NOL4L: variants seen among roughly 807,000 people sequenced by gnomAD.
The protein encoded by NOL4L is nucleolar protein 4 like, also known as nucleolar protein 4-like.
Under a neutral mutation model 64.5 loss-of-function variants are expected in NOL4L, and 7 were observed. That is an observed-to-expected ratio of 0.11 (90% CI 0.06 to 0.20). The LOEUF (loss-of-function observed/expected upper bound fraction) is 0.20, where lower values mean the gene tolerates loss of function less well. Ranked by LOEUF, NOL4L falls within the 10% of genes least tolerant of loss-of-function variation. NOL4L has a pLI of 1.00. For missense variants in NOL4L, 680 were observed against 967.1 expected (o/e 0.70, Z 3.94); for synonymous variants, 413 against 401.0 (o/e 1.03, Z -0.36).
chr20:32,504,421 G>A (rs1162613471), intron 4 of NOL4L, among the ~76,000 whole-genome samples: 1 of 151,990 alleles, frequency 6.6e-6, no homozygotes, highest in Non-Finnish European at 1.5e-5. Flanking sequence ...TTAGCCAGGT[G>A]TCATGGCGGG....
chr20:32,543,926 C>T (rs1037116654), intron 1 of NOL4L, among the ~76,000 whole-genome samples: 3 of 152,214 alleles, frequency 2.0e-5, no homozygotes, highest in Admixed American at 6.5e-5. Flanking sequence ...GCTGAAGGTG[C>T]GATGTTAAGT....
At chr20:32,486,676 T>G (rs552078674) in intron 4 of NOL4L, 2 of 465,946 alleles carry the variant, frequency 4.3e-6, no homozygotes, top group East Asian at 1.4e-4. Context: ...GACTTATTAA[T>G]GACAGAGAAG....
At chr20:32,578,092 CA>C (rs1282364383) in intron 1 of NOL4L, among the ~76,000 whole-genome samples, 1 of 108,558 alleles carries the variant, frequency 9.2e-6, no homozygotes, top group Non-Finnish European at 1.8e-5. Context: ...AATATTGCGT[CA>C]AAAAAGAAAG....
In NOL4L at chr20:32,456,315, G is replaced by T; in HGVS notation, c.922C>A (p.Pro308Thr). The T allele has an allele frequency of 6.4e-7, 1 of 1,572,678 alleles. No individual in the cohort carries two copies. Among genetic ancestry groups the T allele is most frequent in the East Asian group, 2.3e-5 (1 of 43,148 alleles). Residue 308 changes from proline to threonine, a missense_variant, in exon 6 of 11, where the codon CCT becomes ACT. Physicochemically the swap from Pro to Thr is conservative, Grantham distance 38. This residue lies in a region of NOL4L where 254 missense variants were observed against 238.7 expected (regional missense o/e 1.06). Transcript: ENST00000621426. ...PSTSSSTQGD[P>T]AFPEMNGNGA... ...TTGCCATTCATCTCGGGGAAGGCAGGGTCGCCCTGCGTGCTGCTCGACGTG... is the reference window on the plus strand; with the variant it reads ...TTGCCATTCATCTCGGGGAAGGCAGTGTCGCCCTGCGTGCTGCTCGACGTG...
intron 4 of NOL4L, chr20:32,483,415 C>T: frequency 1.0e-6 from 1 of 986,596 alleles, no homozygotes; most frequent in Non-Finnish European, 1.2e-6. Context: ...GTGAGCGGGG[C>T]GGGCGGCGGT....
intron 3 of NOL4L, among the ~76,000 whole-genome samples, 152 bp downstream of exon 3, chr20:32,520,659 C>T (rs535181986): frequency 6.6e-6 from 1 of 152,316 alleles, no homozygotes; most frequent in African/African-American, 2.4e-5. Flanking sequence ...AAACAAGGCG[C>T]TTTGGGCAGC....
Position 32,565,450 on chromosome 20 carries a change from G to A in NOL4L, c.321+19120C>T, listed in dbSNP as rs371027237. On this transcript the variant is annotated intron_variant, in intron 1 of 10. Transcript: ENST00000621426. ...TATTATTGCATAGCACACATGTGCAGGAGGTGCATGCATGGGGCTGCTTAT... is the reference window on the plus strand; with the variant it reads ...TATTATTGCATAGCACACATGTGCAAGAGGTGCATGCATGGGGCTGCTTAT... Among the ~76,000 whole-genome samples the A allele has an allele frequency of 9.8e-5, 15 of 152,346 alleles. No homozygotes were observed. The South Asian group carries it at 2.9e-3, about 29-fold the overall frequency.
chr20:32,508,592 C>A (rs183389083), intron 4 of NOL4L, among the ~76,000 whole-genome samples: 1 of 152,316 alleles, frequency 6.6e-6, no homozygotes, highest in East Asian at 1.9e-4. Context: ...CATCTCCTGC[C>A]GCACTCAGAA....
chr20:32,523,491 G>A (rs2018016587), intron 2 of NOL4L, among the ~76,000 whole-genome samples: 1 of 152,186 alleles, frequency 6.6e-6, no homozygotes, highest in African/African-American at 2.4e-5. Context: ...TTGAGTGCAC[G>A]AATGCCCAAG....
At chr20:32,583,656 C>T (rs934088750) in intron 1 of NOL4L, among the ~76,000 whole-genome samples, 5 of 148,742 alleles carry the variant, frequency 3.4e-5, no homozygotes, top group African/African-American at 9.8e-5. Flanking sequence ...GCCCCCCCCC[C>T]AGCCCCCACC....
chr20:32,566,234 A>G (rs529246714), intron 1 of NOL4L, among the ~76,000 whole-genome samples: 15 of 152,280 alleles, frequency 9.9e-5, no homozygotes, highest in African/African-American at 3.4e-4. Context: ...TGATTTGCCT[A>G]AGATCACATG....
At chr20:32,584,133 G>GCACACACACACACACA (rs745461984) in intron 1 of NOL4L, among the ~76,000 whole-genome samples, 58 of 88,818 alleles carry the variant, frequency 6.5e-4, no homozygotes, top group African/African-American at 3.0e-3. Context: ...CTCCGCGCGC[G>GCACACACACACACACA]CACACACACA....
rs763531949 is a variant in NOL4L at position 32,447,720 on chromosome 20, G to A, written c.1919C>T (p.Thr640Ile). The change falls in exon 11 of 11, where the codon ACC becomes ATC. Residue 640 changes from threonine (T) to isoleucine (I), a missense_variant. By Grantham distance (89) the Thr-to-Ile change is moderately conservative. Around this residue, in one of 4 missense-constraint regions of NOL4L, gnomAD observed 175 missense variants for 227.0 expected, o/e 0.77. Coordinates refer to ENST00000621426, the MANE Select transcript of NOL4L (RefSeq NM_001256798.2). The part of the protein sequence containing the change: ...SSTSTSRPVP[T>I]AQLSPTEISA... Reference sequence around the variant, plus strand: ...GATCTCCGTGGGGCTGAGCTGAGCGGTGGGCACGGGCCTGCTGGTGCTGGT... The same window carrying A: ...GATCTCCGTGGGGCTGAGCTGAGCGATGGGCACGGGCCTGCTGGTGCTGGT... 1 of 1,609,668 alleles carries A rather than the reference G, an allele frequency of 6.2e-7. No homozygotes were observed. The highest frequency in any genetic ancestry group is 8.5e-7 in the Non-Finnish European group (1 of 1,178,024).
intron 4 of NOL4L, among the ~76,000 whole-genome samples, chr20:32,495,896 G>T (rs141932386): frequency 6.6e-6 from 1 of 152,252 alleles, no homozygotes; most frequent in Non-Finnish European, 1.5e-5. Context: ...GGTCAAGGCT[G>T]CAGTGAGCTG....
chr20:32,451,907 AC>A (rs2145425716), intron 10 of NOL4L, among the ~76,000 whole-genome samples: 1 of 152,274 alleles, frequency 6.6e-6, no homozygotes, highest in African/African-American at 2.4e-5. Flanking sequence ...GGGACTCGGC[AC>A]CCACAGGGAC....
intron 10 of NOL4L, among the ~76,000 whole-genome samples, chr20:32,450,905 G>A (rs188095179): frequency 5.3e-4 from 80 of 152,286 alleles, no homozygotes; most frequent in Admixed American, 4.8e-3. Context: ...TCTTATTTTA[G>A]GTTAAGAGGC....
In NOL4L at chr20:32,488,746, T is replaced by TC. The variant is rs1568647167; in HGVS notation, c.700-14005_700-14004insG. Among the ~76,000 whole-genome samples, 82 of 138,898 alleles carry TC rather than the reference T, an allele frequency of 5.9e-4. 1 individual carries two copies. The highest frequency in any genetic ancestry group is 4.0e-3 in the East Asian group (17 of 4,216). The allele number at this position is 138,898 out of a possible 152,430, so 91.1% of individuals were successfully genotyped here. A position where few individuals can be genotyped will look rare whatever the true frequency, so the allele number is the denominator to read the frequency against. On this transcript the variant is annotated intron_variant, in intron 4 of 10. Transcript: ENST00000621426. ...TTTCTTTCTTTCTTTTCTTTCTTTC[T>TC]TTTCCTTCCTTCCTTCCTTCCTTCC...
At chr20:32,539,850 T>C (rs1371999777) in intron 1 of NOL4L, among the ~76,000 whole-genome samples, 1 of 152,142 alleles carries the variant, frequency 6.6e-6, no homozygotes, top group East Asian at 1.9e-4. Context: ...GGGTAGGCTG[T>C]GCCCTCAACT....
intron 2 of NOL4L, among the ~76,000 whole-genome samples, chr20:32,525,531 C>A (rs1391705872): frequency 1.3e-5 from 2 of 152,204 alleles, no homozygotes; most frequent in South Asian, 2.1e-4. Flanking sequence ...ATGCATGCAA[C>A]CTTCATACAT....
Sources: allele counts gnomAD v4.1 joint callset (sites outside exome capture counted in the v4.1 genomes callset), GRCh38; gene constraint gnomAD v4.1.1; regional missense constraint gnomAD v4.1.1; transcripts MANE v1.5; gene names NCBI Gene and HGNC (gene_info 2026-07-23, HGNC 2026-07-21).